The following MAP3K3 variants were observed in gnomAD, a reference collection of about 807,000 sequenced individuals.
MAP3K3 encodes MAP/ERK kinase kinase 3.
A neutral mutation model predicts 80.9 loss-of-function variants in MAP3K3; 12 were observed. That is an observed-to-expected ratio of 0.15 (90% CI 0.10 to 0.24). The LOEUF is 0.24. MAP3K3 is among the 10% of genes least tolerant of loss of function. The pLI is 1.00. For missense variants in MAP3K3, 596 were observed against 834.7 expected, an observed-to-expected ratio of 0.71 and a Z score of 3.52; for synonymous variants, 272 against 307.1, an observed-to-expected ratio of 0.89 and a Z score of 1.19.
intron 5 of MAP3K3, among the ~76,000 whole-genome samples, chr17:63,658,748 T>C (rs1427585936): frequency 7.1e-6 from 1 of 141,264 alleles, no homozygotes; most frequent in Admixed American, 7.0e-5. Flanking sequence ...TTTTTTTTTT[T>C]TTTGAGACAG....
rs931894383 is a variant in MAP3K3, at chr17:63,695,478, G to T, written c.*1701G>T. On this transcript the variant is annotated 3_prime_UTR_variant, in exon 16 of 16. Coordinates refer to ENST00000361733, the MANE Select transcript of MAP3K3 (RefSeq NM_002401.5). The surrounding 1 kb of genome is among the most constrained non-coding windows in gnomAD (Gnocchi z 4.1). ...TCCTGTGTCCATCCCTGTTCCCCCA[G>T]GGGCTCTATCAGCCCCTGTACCCCA... is the stretch of plus-strand genomic sequence containing the variant. The T allele has an allele frequency of 1.3e-5, 2 of 152,608 alleles. No individual in the cohort carries two copies. Among genetic ancestry groups the T allele is most frequent in the Non-Finnish European group, 2.9e-5 (2 of 68,056 alleles). The allele number at this position is 152,608 out of a possible 1,614,324, so 9.5% of individuals were successfully genotyped here.
At chr17:63,655,137 A>G (rs1045084817) in intron 4 of MAP3K3, among the ~76,000 whole-genome samples, 1 of 152,202 alleles carries the variant, frequency 6.6e-6, no homozygotes, top group African/African-American at 2.4e-5. Context: ...CAAACTTAAC[A>G]ATCATGATGG....
At chr17:63,631,143 A>G (rs562672156) in intron 1 of MAP3K3, among the ~76,000 whole-genome samples, 1 of 152,156 alleles carries the variant, frequency 6.6e-6, no homozygotes, top group Non-Finnish European at 1.5e-5. Context: ...AAAAATTAGC[A>G]GGGCATGGTG....
rs1249153560 is a variant in MAP3K3 at position 63,689,609 on chromosome 17, C to T, written c.937C>T (p.Arg313Cys). 1.2e-5 allele frequency: 19 copies of T among 1,613,884 alleles called. No homozygotes were observed. The highest frequency in any genetic ancestry group is 1.7e-5 in the Admixed American group (1 of 59,984). The part of the protein sequence containing the change: ...GNLFTLVPSS[R>C]SLSTNGENMG... Reference sequence around the variant, plus strand: ...CTTGTTCACCCTGGTGCCCTCCAGCCGCTCCCTGAGCACAAATGGCGAGAA... The same window carrying T: ...CTTGTTCACCCTGGTGCCCTCCAGCTGCTCCCTGAGCACAAATGGCGAGAA... The change falls in exon 11 of 16, where the codon CGC (arginine) becomes TGC (cysteine). Residue 313 changes from arginine (R) to cysteine (C), a missense_variant. This residue lies in a region of MAP3K3 where 364 missense variants were observed against 588.9 expected (regional missense o/e 0.62). Transcript: ENST00000361733. This position sits in a 1 kb window ranked among gnomAD's most constrained non-coding sequence, Gnocchi z 4.3.
In MAP3K3 at chr17:63,689,202, A is replaced by C. The variant is rs986246957; in HGVS notation, c.871+321A>C. The C allele has an allele frequency of 3.4e-5, 18 of 536,300 alleles. No individual in the cohort carries two copies. The highest frequency in any genetic ancestry group is 6.6e-6 in the Non-Finnish European group (2 of 300,878). The allele number at this position is 536,300 out of a possible 1,614,324, so 33.2% of individuals were successfully genotyped here. On this transcript the variant is annotated intron_variant, in intron 10 of 15. Transcript: ENST00000361733. The surrounding 1 kb of genome is among the most constrained non-coding windows in gnomAD (Gnocchi z 4.3). ...TGTAGAGGGGTAAGGAGTAGGATAC[A>C]AGGAAATCAGTGCCTTCGGGTGTGG...
intron 6 of MAP3K3, among the ~76,000 whole-genome samples, chr17:63,675,823 C>T (rs73339426): frequency 0.013 from 1,973 of 152,292 alleles, 46 homozygotes; most frequent in African/African-American, 0.045. Context: ...CCTATGCAGC[C>T]TTCTGAGACC....
chr17:63,685,648 T>C (rs1158924547), intron 8 of MAP3K3, 58 bp downstream of exon 8: 14 of 1,440,816 alleles, frequency 9.7e-6, no homozygotes, highest in African/African-American at 1.4e-5. Context: ...AATTGATGGG[T>C]TGAGGAAGAA....
At position 63,690,499 on chromosome 17, in the gene MAP3K3, G is replaced by A. The variant is rs1411703540; in HGVS notation, c.1212+87G>A. ...ACACAGAGTAGTTGCCTGAGATGCTGTAGGTTGCTTCCTCTGTCATTCTTC... is the reference window on the plus strand; with the variant it reads ...ACACAGAGTAGTTGCCTGAGATGCTATAGGTTGCTTCCTCTGTCATTCTTC... On this transcript the variant is annotated intron_variant, in intron 12 of 15. Coordinates refer to ENST00000361733, the MANE Select transcript of MAP3K3 (RefSeq NM_002401.5). The A allele has an allele frequency of 4.9e-6, 7 of 1,418,072 alleles. No homozygotes were observed. The East Asian group carries it at 1.6e-4, about 33-fold the overall frequency. The allele number at this position is 1,418,072 out of a possible 1,614,324, so 87.8% of individuals were successfully genotyped here. A position where few individuals can be genotyped will look rare whatever the true frequency, so the allele number is the denominator to read the frequency against.
At chr17:63,627,824 T>C (rs1186297669) in intron 1 of MAP3K3, among the ~76,000 whole-genome samples, 1 of 152,144 alleles carries the variant, frequency 6.6e-6, no homozygotes, top group African/African-American at 2.4e-5. Flanking sequence ...GATCAAGTGA[T>C]ATGCCCGCCT....
rs761709890 is a variant in MAP3K3 at position 63,692,346 on chromosome 17, G to A, written c.1579G>A (p.Val527Ile). The A allele has an allele frequency of 8.7e-6, 14 of 1,613,934 alleles. No homozygotes were observed. Among genetic ancestry groups the A allele is most frequent in the African/African-American group, 1.3e-5 (1 of 75,030 alleles). ...ICMSGTGMRSVTGTPYWMSPE... is the reference protein window; with the variant it reads ...ICMSGTGMRSITGTPYWMSPE... ...TATGTCGGGGACGGGCATGCGCTCCGTCACTGGCACACCCTACTGGATGAG... is the reference window on the plus strand; with the variant it reads ...TATGTCGGGGACGGGCATGCGCTCCATCACTGGCACACCCTACTGGATGAG... Residue 527 changes from valine to isoleucine, a missense_variant, in exon 15 of 16, where the codon GTC becomes ATC. Physicochemically the swap from Val to Ile is conservative, Grantham distance 29. Transcript: ENST00000361733. The surrounding 1 kb of genome is among the most constrained non-coding windows in gnomAD (Gnocchi z 4.5).
At chr17:63,674,690 A>C (rs1251237738) in intron 6 of MAP3K3, among the ~76,000 whole-genome samples, 3 of 152,100 alleles carry the variant, frequency 2.0e-5, no homozygotes, top group Non-Finnish European at 4.4e-5. Flanking sequence ...AAGTGTATGA[A>C]GGGAGGGATA....
intron 1 of MAP3K3, among the ~76,000 whole-genome samples, chr17:63,627,411 A>G (rs1020702880): frequency 8.6e-5 from 13 of 150,872 alleles, no homozygotes; most frequent in African/African-American, 3.2e-4. Context: ...CTATTACGCT[A>G]CCTCAACTTG....
chr17:63,666,657 A>G (rs746135030), intron 5 of MAP3K3, among the ~76,000 whole-genome samples: 4 of 152,212 alleles, frequency 2.6e-5, no homozygotes, highest in Non-Finnish European at 5.9e-5. Flanking sequence ...GCAGATTATT[A>G]CAGGAATGCC....
intron 12 of MAP3K3, chr17:63,690,729 C>T: frequency 4.6e-6 from 2 of 437,000 alleles, no homozygotes; most frequent in Non-Finnish European, 8.3e-6. Flanking sequence ...CAGCTCTCAG[C>T]CCAGGAAGGA....
intron 7 of MAP3K3, among the ~76,000 whole-genome samples, chr17:63,684,808 G>A (rs1441042451): frequency 6.6e-6 from 1 of 152,092 alleles, no homozygotes; most frequent in Non-Finnish European, 1.5e-5. Context: ...AATGTTTAAT[G>A]TTGGAGCTCG....
chr17:63,630,216 C>T (rs111829304), intron 1 of MAP3K3, among the ~76,000 whole-genome samples: 2 of 152,028 alleles, frequency 1.3e-5, no homozygotes, highest in South Asian at 2.1e-4. Flanking sequence ...AATATCTAAG[C>T]CATTTAATAT....
intron 6 of MAP3K3, among the ~76,000 whole-genome samples, chr17:63,670,865 A>C (rs1380697357): frequency 6.6e-6 from 1 of 152,074 alleles, no homozygotes; most frequent in Admixed American, 6.6e-5. Context: ...GAAGCTGGGG[A>C]GGGAGGCAGA....
At position 63,689,235 on chromosome 17, in the gene MAP3K3, T is replaced by G. The variant is rs1485583629; in HGVS notation, c.872-309T>G. The G allele has an allele frequency of 3.8e-6, 2 of 525,548 alleles. No individual in the cohort carries two copies. The highest frequency in any genetic ancestry group is 6.8e-6 in the Non-Finnish European group (2 of 294,412). 32.6% of individuals were successfully genotyped at this position (525,548 alleles called of 1,614,324 possible). On this transcript the variant is annotated intron_variant, in intron 10 of 15. Transcript: ENST00000361733. The surrounding 1 kb of genome is among the most constrained non-coding windows in gnomAD (Gnocchi z 4.3). ...CAGTGCCTTCGGGTGTGGCTTGGCC[T>G]TGCAAGCAATTGGGAGCCTGTTGGC...
intron 5 of MAP3K3, among the ~76,000 whole-genome samples, chr17:63,663,134 A>G (rs1006190334): frequency 1.6e-4 from 25 of 152,294 alleles, no homozygotes; most frequent in African/African-American, 6.0e-4. Context: ...TTTGAAGACA[A>G]CTGAGCTAGC....
Sources: gnomAD v4.1 joint callset for allele counts (sites outside exome capture counted in the v4.1 genomes callset) on GRCh38, gnomAD v4.1.1 for gene constraint, gnomAD v4.1.1 regional missense constraint, Gnocchi (gnomAD v3.1) non-coding constraint, MANE v1.5 for transcripts, NCBI Gene and HGNC (gene_info 2026-07-23, HGNC 2026-07-21) for gene names.